Variants in CCDC7 observed in about 807,000 individuals in gnomAD.
CCDC7 encodes coiled-coil domain-containing protein 7.
CCDC7 carries 183 observed loss-of-function variants against 196.9 expected under a neutral mutation model. The observed-to-expected ratio is 0.93, with a 90% CI of 0.82 to 1.05. CCDC7 has a LOEUF of 1.05. Among genes scored for constraint, CCDC7 ranks in the 50% least tolerant of loss-of-function variants. The pLI is 0.00. For missense variants in CCDC7, 1,540 were observed against 1,482.2 expected (o/e 1.04, Z -0.64); for synonymous variants, 525 against 484.6 (o/e 1.08, Z -1.10).
At chr10:32,479,011 C>T (rs2039500750) in intron 8 of CCDC7, among the ~76,000 whole-genome samples, 1 of 152,010 alleles carries the variant, frequency 6.6e-6, no homozygotes, top group Non-Finnish European at 1.5e-5. Flanking sequence ...ATCAATTTCT[C>T]CTTTGTGAGT....
chr10:32,691,717 T>C (rs2077104891), intron 23 of CCDC7, among the ~76,000 whole-genome samples: 1 of 151,870 alleles, frequency 6.6e-6, no homozygotes, highest in Admixed American at 6.6e-5. Context: ...CCAAACATGT[T>C]TTCCAGTAGC....
intron 20 of CCDC7, among the ~76,000 whole-genome samples, chr10:32,659,442 G>A (rs1798954700): frequency 6.6e-6 from 1 of 152,038 alleles, no homozygotes; most frequent in African/African-American, 2.4e-5. Context: ...CTTATTTTAT[G>A]GCCTAAAATA....
chr10:32,456,459 C>A, intron 3 of CCDC7, 125 bp downstream of exon 4: 1 of 698,418 alleles, frequency 1.4e-6, no homozygotes, highest in Non-Finnish European at 2.1e-6. Flanking sequence ...TTATAAATGG[C>A]ATTGGAAAAC....
At chr10:32,847,061 A>G (rs2093327782) in intron 37 of CCDC7, among the ~76,000 whole-genome samples, 1 of 152,226 alleles carries the variant, frequency 6.6e-6, no homozygotes, top group African/African-American at 2.4e-5. Flanking sequence ...TAAGGTAAAG[A>G]GACACATTCG....
At chr10:32,728,550 C>T (rs534427400) in intron 26 of CCDC7, among the ~76,000 whole-genome samples, 3 of 152,166 alleles carry the variant, frequency 2.0e-5, no homozygotes, top group East Asian at 1.9e-4. Context: ...AATGCTATAA[C>T]GAATGATCTT....
intron 28 of CCDC7, among the ~76,000 whole-genome samples, chr10:32,769,529 C>T (rs893103964): frequency 1.3e-5 from 2 of 152,040 alleles, no homozygotes; most frequent in Non-Finnish European, 2.9e-5. Flanking sequence ...ATGTGCAGAA[C>T]GTGCAGTTTT....
chr10:32,711,475 A>G, intron 24 of CCDC7, 145 bp from the exon 26 acceptor site: 1 of 519,330 alleles, frequency 1.9e-6, no homozygotes, highest in Middle Eastern at 5.1e-4. Flanking sequence ...CACCATTTTC[A>G]TGTCAGAGCT....
intron 24 of CCDC7, among the ~76,000 whole-genome samples, chr10:32,707,663 C>T (rs1275775233): frequency 2.0e-5 from 3 of 152,144 alleles, no homozygotes; most frequent in Non-Finnish European, 4.4e-5. Flanking sequence ...CACAAACGTT[C>T]CTACACACCA....
At chr10:32,721,914 AGTAGCCTCT>A (rs1264612765) in intron 25 of CCDC7, among the ~76,000 whole-genome samples, 1 of 152,154 alleles carries the variant, frequency 6.6e-6, no homozygotes, top group Non-Finnish European at 1.5e-5. Context: ...TGTCTTGGGC[AGTAGCCTCT>A]GTGACAGTCA....
At chr10:32,760,270 A>G (rs1276288575) in intron 28 of CCDC7, among the ~76,000 whole-genome samples, 1 of 152,186 alleles carries the variant, frequency 6.6e-6, no homozygotes, top group Non-Finnish European at 1.5e-5. Context: ...ATTATAAATG[A>G]TACTGCTATA....
intron 13 of CCDC7, among the ~76,000 whole-genome samples, chr10:32,564,403 C>A (rs368731544): frequency 4.1e-4 from 62 of 152,284 alleles, no homozygotes; most frequent in African/African-American, 1.2e-3. Context: ...AACCAACCCA[C>A]ATGTCCAACA....
At chr10:32,467,947 T>A (rs1326402936) in intron 5 of CCDC7, among the ~76,000 whole-genome samples, 1 of 152,184 alleles carries the variant, frequency 6.6e-6, no homozygotes, top group Non-Finnish European at 1.5e-5. Flanking sequence ...GCTCTATGTG[T>A]CTGGTTTTGT....
At chr10:32,581,613 G>A (rs928309278) in intron 16 of CCDC7, among the ~76,000 whole-genome samples, 15 of 152,240 alleles carry the variant, frequency 9.9e-5, no homozygotes, top group Admixed American at 5.9e-4. Context: ...TGGTTGTTAT[G>A]CTGTGGTTCC....
chr10:32,567,807 A>G (rs1356690824), exon 15 of CCDC7: 9 of 1,613,726 alleles, frequency 5.6e-6, no homozygotes, highest in Non-Finnish European at 7.6e-6. Flanking sequence ...CAAAAAATAT[A>G]CCATTGGAGA....
intron 41 of CCDC7, among the ~76,000 whole-genome samples, chr10:32,866,372 T>C (rs2094199687): frequency 6.6e-6 from 1 of 151,672 alleles, no homozygotes; most frequent in Admixed American, 6.6e-5. Flanking sequence ...ATTCAATATA[T>C]ACAAAGTGTT....
At chr10:32,592,431 A>G (rs2059865270) in intron 18 of CCDC7, among the ~76,000 whole-genome samples, 2 of 151,584 alleles carry the variant, frequency 1.3e-5, no homozygotes, top group South Asian at 2.1e-4. Context: ...TAGGTTGTTT[A>G]TTTGAGATTT....
At chr10:32,467,408 G>A (rs1274357857) in intron 5 of CCDC7, among the ~76,000 whole-genome samples, 1 of 151,280 alleles carries the variant, frequency 6.6e-6, no homozygotes, top group Non-Finnish European at 1.5e-5. Flanking sequence ...CACTGCGCCC[G>A]GCCTTGTCCA....
intron 20 of CCDC7, among the ~76,000 whole-genome samples, chr10:32,640,430 A>G (rs2139818948): frequency 6.6e-6 from 1 of 152,278 alleles, no homozygotes; most frequent in South Asian, 2.1e-4. Flanking sequence ...TGTCCTGAAT[A>G]CAGCACACTG....
intron 18 of CCDC7, among the ~76,000 whole-genome samples, chr10:32,633,696 A>ATGTGTGTGTGTGTGTGTG (rs1554928040): frequency 7.4e-6 from 1 of 135,160 alleles, no homozygotes; most frequent in East Asian, 2.2e-4. Context: ...ATATATATAT[A>ATGTGTGTGTGTGTGTGTG]TGTGTGTGTG....
Sources: allele counts gnomAD v4.1 joint callset (sites outside exome capture counted in the v4.1 genomes callset), GRCh38; gene constraint gnomAD v4.1.1; transcripts MANE v1.5; gene names NCBI Gene and HGNC (gene_info 2026-07-23, HGNC 2026-07-21).